Variants in FBLN1 observed in about 807,000 individuals in gnomAD.
FBLN1 encodes the protein fibulin 1.
In FBLN1, 34 loss-of-function variants were observed where a neutral mutation model predicts 89.7. That is an observed-to-expected ratio of 0.38 (90% CI 0.29 to 0.50). The LOEUF is 0.50. Among genes scored for constraint, FBLN1 ranks in the 20% least tolerant of loss-of-function variants. The pLI is 0.92. For missense variants in FBLN1, 777 were observed against 988.1 expected, an observed-to-expected ratio of 0.79 and a Z score of 2.86; for synonymous variants, 393 against 391.3, an observed-to-expected ratio of 1.00 and a Z score of -0.05.
chr22:45,571,848 A>C (rs534812976), intron 14 of FBLN1, among the ~76,000 whole-genome samples: 1 of 152,262 alleles, frequency 6.6e-6, no homozygotes, highest in African/African-American at 2.4e-5. Context: ...AAACAAAAAC[A>C]GGCCAGGCGC....
Position 45,545,574 on chromosome 22 carries a change from TGACCTTACTAACCA to T in FBLN1, c.1322-1510_1322-1497del, listed in dbSNP as rs2088615513. Among the ~76,000 whole-genome samples, 2 of 152,180 alleles carry T rather than the reference TGACCTTACTAACCA, an allele frequency of 1.3e-5. No homozygotes were observed. The highest frequency in any genetic ancestry group is 1.3e-4 in the Admixed American group (2 of 15,278). ...CCAGAGCCTGGCCAACCTTGCTATGTGACCTTACTAACCATTTGTTAGGGTCCTGCCCCGGGTGT... is the reference window on the plus strand; with the variant it reads ...CCAGAGCCTGGCCAACCTTGCTATGTTTTGTTAGGGTCCTGCCCCGGGTGT... On this transcript the variant is annotated intron_variant, in intron 11 of 16. Coordinates refer to ENST00000327858, the MANE Select transcript of FBLN1 (RefSeq NM_006486.3). This position sits in a 1 kb window ranked among gnomAD's most constrained non-coding sequence, Gnocchi z 5.9.
At chr22:45,552,902 A>C (rs1311756937) in intron 14 of FBLN1, among the ~76,000 whole-genome samples, 1 of 152,156 alleles carries the variant, frequency 6.6e-6, no homozygotes, top group Non-Finnish European at 1.5e-5. Flanking sequence ...GGCCGGACAC[A>C]TCCTCTTTAT....
rs2014560 is a variant in FBLN1, at chr22:45,568,527, C to T, written c.1698-5984C>T. 2.7e-3 allele frequency among the ~76,000 whole-genome samples: 311 copies of T among 116,328 alleles called. 1 individual carries two copies. The highest frequency in any genetic ancestry group is 6.2e-3 in the African/African-American group (125 of 20,060). The allele number at this position is 116,328 out of a possible 152,430, so 76.3% of individuals were successfully genotyped here. A position where few individuals can be genotyped will look rare whatever the true frequency, so the allele number is the denominator to read the frequency against. On this transcript the variant is annotated intron_variant, in intron 14 of 16. Transcript: ENST00000327858. The stretch of plus-strand genomic sequence containing the variant: ...GAGTGCTCCTTCTGTAGGGGAATGC[C>T]TCTTCTGTAGGGGAATGCTCCTTCT...
chr22:45,563,408 C>A lies in FBLN1; in HGVS notation c.1698-11103C>A, dbSNP rs934899075. ...ATTTGGCATGGTTGGGAGTCTGTGC[C>A]GCTTGTTACCCGGGGGTGAGCTGGG... On this transcript the variant is annotated intron_variant, in intron 14 of 16. Coordinates refer to ENST00000327858, the MANE Select transcript of FBLN1 (RefSeq NM_006486.3). The surrounding 1 kb of genome is among the most constrained non-coding windows in gnomAD (Gnocchi z 5.7). The A allele has an allele frequency of 2.0e-6, 3 of 1,512,638 alleles. No homozygotes were observed. Among genetic ancestry groups the A allele is most frequent in the Non-Finnish European group, 2.6e-6 (3 of 1,133,184 alleles). The allele number at this position is 1,512,638 out of a possible 1,614,324, so 93.7% of individuals were successfully genotyped here.
At chr22:45,533,336 C>T (rs543847670) in intron 6 of FBLN1, among the ~76,000 whole-genome samples, 172 bp downstream of exon 6, 1 of 152,338 alleles carries the variant, frequency 6.6e-6, no homozygotes, top group African/African-American at 2.4e-5. Context: ...GCAGAGGCCC[C>T]TGCCGAGACT....
chr22:45,518,542 C>A, intron 1 of FBLN1, 140 bp from the exon 2 acceptor site: 1 of 678,682 alleles, frequency 1.5e-6, no homozygotes. Context: ...TACTGGTTTG[C>A]AGAGTGACTA....
chr22:45,555,272 A>AATATATATATATAT (rs10648791), intron 14 of FBLN1, among the ~76,000 whole-genome samples: 1 of 44,546 alleles, frequency 2.2e-5, no homozygotes, highest in African/African-American at 4.2e-5. Flanking sequence ...TATAAAATGG[A>AATATATATATATAT]ATATATATAT....
In FBLN1 at chr22:45,590,172, G is replaced by C. The variant is rs528190382; in HGVS notation, c.1973-10135G>C. On this transcript the variant is annotated intron_variant, in intron 16 of 16. Coordinates refer to ENST00000327858, the MANE Select transcript of FBLN1 (RefSeq NM_006486.3). The surrounding 1 kb of genome is among the most constrained non-coding windows in gnomAD (Gnocchi z 4.1). Reference sequence around the variant, plus strand: ...GGCTCTGCTCTGACCTGCAGGCCTGGGGCTCAGGACCCCCTCTCTGCACTC... The same window carrying C: ...GGCTCTGCTCTGACCTGCAGGCCTGCGGCTCAGGACCCCCTCTCTGCACTC... Among the ~76,000 whole-genome samples the C allele has an allele frequency of 4.6e-5, 7 of 152,318 alleles. No homozygotes were observed. Among genetic ancestry groups the C allele is most frequent in the Non-Finnish European group, 7.4e-5 (5 of 68,022 alleles).
rs145149958 is a variant in FBLN1 at position 45,545,688 on chromosome 22, C to T, written c.1322-1397C>T. Among the ~76,000 whole-genome samples, 222 of 152,184 alleles carry T rather than the reference C, an allele frequency of 1.5e-3. 1 individual carries two copies. Among genetic ancestry groups the T allele is most frequent in the African/African-American group, 4.8e-3 (200 of 41,522 alleles). On this transcript the variant is annotated intron_variant, in intron 11 of 16. Coordinates refer to ENST00000327858, the MANE Select transcript of FBLN1 (RefSeq NM_006486.3). This position sits in a 1 kb window ranked among gnomAD's most constrained non-coding sequence, Gnocchi z 5.9. ...GAGACCACACTGGACAGGTGGAGGCCAGGCCTGGTGTGTGGGGGCCACAGA... is the reference window on the plus strand; with the variant it reads ...GAGACCACACTGGACAGGTGGAGGCTAGGCCTGGTGTGTGGGGGCCACAGA...
intron 14 of FBLN1, chr22:45,558,099 A>G (rs1016708157): frequency 2.8e-6 from 2 of 716,944 alleles, no homozygotes; most frequent in African/African-American, 1.7e-5. Context: ...GCATGAGGCC[A>G]TCGGTGCAGG....
chr22:45,571,111 C>CAAAAAAAAAAAAAAAA (rs542647353), intron 14 of FBLN1, among the ~76,000 whole-genome samples: 18 of 70,846 alleles, frequency 2.5e-4, no homozygotes, highest in East Asian at 1.3e-3. Flanking sequence ...ACAAGAGTCT[C>CAAAAAAAAAAAAAAAA]AAAAAAAAAA....
At chr22:45,508,588 A>G (rs1464586037) in intron 1 of FBLN1, among the ~76,000 whole-genome samples, 1 of 152,096 alleles carries the variant, frequency 6.6e-6, no homozygotes, top group Non-Finnish European at 1.5e-5. Flanking sequence ...GAAGACTTGA[A>G]TCTTTAAGTC....
At chr22:45,569,205 C>G (rs994535750) in intron 14 of FBLN1, among the ~76,000 whole-genome samples, 4 of 152,144 alleles carry the variant, frequency 2.6e-5, no homozygotes, top group African/African-American at 9.7e-5. Flanking sequence ...TGTGTCCCCC[C>G]CCAAATTCAT....
Position 45,575,990 on chromosome 22 carries a change from G to A in FBLN1, c.1841-987G>A, listed in dbSNP as rs1270900423. On this transcript the variant is annotated intron_variant, in intron 15 of 16. Coordinates refer to ENST00000327858, the MANE Select transcript of FBLN1 (RefSeq NM_006486.3). The surrounding 1 kb of genome is among the most constrained non-coding windows in gnomAD (Gnocchi z 6.3). ...CACCCTCTCAGGGGAGGCATGCAACGGAGCCAGCCGCGAGGACACCAGTGT... is the reference window on the plus strand; with the variant it reads ...CACCCTCTCAGGGGAGGCATGCAACAGAGCCAGCCGCGAGGACACCAGTGT... Among the ~76,000 whole-genome samples, 1 of 152,132 alleles carries A rather than the reference G, an allele frequency of 6.6e-6. No individual in the cohort carries two copies. Among genetic ancestry groups the A allele is most frequent in the Non-Finnish European group, 1.5e-5 (1 of 68,012 alleles).
Position 45,546,450 on chromosome 22 carries a change from G to A in FBLN1, c.1322-635G>A, listed in dbSNP as rs937653753. ...AGGCTGGTCTCGAACCCCTGACCTC[G>A]TGATCCGCCCACCTCGGCCTCCCGA... is the stretch of plus-strand genomic sequence containing the variant. On this transcript the variant is annotated intron_variant, in intron 11 of 16. Transcript: ENST00000327858. Among the ~76,000 whole-genome samples, 6 of 152,308 alleles carry A rather than the reference G, an allele frequency of 3.9e-5. No homozygotes were observed. In the South Asian group the frequency reaches 6.2e-4, roughly 16 times the overall value.
intron 16 of FBLN1, among the ~76,000 whole-genome samples, chr22:45,592,033 G>A (rs905568504): frequency 1.3e-5 from 2 of 152,198 alleles, no homozygotes; most frequent in African/African-American, 4.8e-5. Context: ...ACAGGAGGAA[G>A]GAGATGTAGT....
intron 12 of FBLN1, 56 bp downstream of exon 12, chr22:45,547,260 C>G (rs2088642220): frequency 6.2e-7 from 1 of 1,606,272 alleles, no homozygotes; most frequent in Admixed American, 1.7e-5. Flanking sequence ...TGCCATGACA[C>G]AGCAGCACGG....
Position 45,550,723 on chromosome 22 carries a change from A to G in FBLN1, c.1697+108A>G, listed in dbSNP as rs1281282270. 2 of 1,477,904 alleles carry G rather than the reference A, an allele frequency of 1.4e-6. No individual in the cohort carries two copies. Among genetic ancestry groups the G allele is most frequent in the East Asian group, 4.5e-5 (2 of 44,204 alleles). The allele number at this position is 1,477,904 out of a possible 1,614,324, so 91.5% of individuals were successfully genotyped here. A position where few individuals can be genotyped will look rare whatever the true frequency, so the allele number is the denominator to read the frequency against. On this transcript the variant is annotated intron_variant, in intron 14 of 16. Coordinates refer to ENST00000327858, the MANE Select transcript of FBLN1 (RefSeq NM_006486.3). The surrounding 1 kb of genome is among the most constrained non-coding windows in gnomAD (Gnocchi z 8.4). ...GCTGTGACCTCGGTGTCCTCCCATGAGGGACTCAGGGCACTCAAAGATCAC... is the reference window on the plus strand; with the variant it reads ...GCTGTGACCTCGGTGTCCTCCCATGGGGGACTCAGGGCACTCAAAGATCAC...
intron 16 of FBLN1, among the ~76,000 whole-genome samples, chr22:45,587,679 T>C (rs2089099988): frequency 6.6e-6 from 1 of 152,150 alleles, no homozygotes; most frequent in Non-Finnish European, 1.5e-5. Context: ...GCTTGCATCT[T>C]ACTCCTTCCT....
Sources: allele counts gnomAD v4.1 joint callset (sites outside exome capture counted in the v4.1 genomes callset), GRCh38; gene constraint gnomAD v4.1.1; non-coding constraint Gnocchi (gnomAD v3.1); transcripts MANE v1.5; gene names NCBI Gene and HGNC (gene_info 2026-07-23, HGNC 2026-07-21).